GALNS: variants seen among roughly 807,000 people sequenced by gnomAD.
The protein encoded by GALNS is N-acetylgalactosamine-6-sulfatase.
A neutral mutation model predicts 65.9 loss-of-function variants in GALNS; 65 were observed. The observed-to-expected ratio is 0.99, with a 90% CI of 0.81 to 1.21. GALNS has a LOEUF of 1.21. Ranked by LOEUF, GALNS falls within the 50% of genes most tolerant of loss-of-function variation. The pLI is 0.00. For synonymous variants in GALNS, 346 were observed against 288.9 expected (o/e 1.20, Z -2.00); for missense variants, 776 against 700.7 (o/e 1.11, Z -1.21).
Position 88,856,947 on chromosome 16 carries a change from T to A in GALNS, c.-70A>T. 1 of 1,445,998 alleles carries A rather than the reference T, an allele frequency of 6.9e-7. No individual in the cohort carries two copies. Among genetic ancestry groups the A allele is most frequent in the Non-Finnish European group, 9.0e-7 (1 of 1,109,642 alleles). The allele number at this position is 1,445,998 out of a possible 1,614,324, so 89.6% of individuals were successfully genotyped here. ...GCGAGCGTCCGCCGGCCCTTCCGGC[T>A]GGGCTGCGGGGCGGGGCCTGGACGG... On this transcript the variant is annotated 5_prime_UTR_variant, in exon 1 of 14. Transcript: ENST00000268695.
intron 4 of GALNS, chr16:88,840,747 C>T (rs1597579551): frequency 3.6e-6 from 2 of 548,768 alleles, no homozygotes; most frequent in East Asian, 3.2e-5. Context: ...GGTGACAGGC[C>T]TGCGGAGTCT....
chr16:88,837,532 A>C, intron 5 of GALNS, 90 bp downstream of exon 5: 1 of 1,386,176 alleles, frequency 7.2e-7, no homozygotes, highest in East Asian at 2.3e-5. Context: ...ATGAGTGGCG[A>C]CTTGAGCCCA....
At chr16:88,830,123 CG>C (rs1911338185) in intron 9 of GALNS, among the ~76,000 whole-genome samples, 1 of 148,144 alleles carries the variant, frequency 6.8e-6, no homozygotes, top group South Asian at 2.2e-4. Flanking sequence ...CCCAGCTACT[CG>C]GGAGGCTGAG....
chr16:88,847,625 G>C (rs377642311), intron 1 of GALNS, among the ~76,000 whole-genome samples: 1 of 152,222 alleles, frequency 6.6e-6, no homozygotes, highest in African/African-American at 2.4e-5. Flanking sequence ...GCCGGAGAGA[G>C]GCTCACTTTG....
At chr16:88,815,350 C>A in intron 13 of GALNS, 16 of 985,468 alleles carry the variant, frequency 1.6e-5, no homozygotes, top group Non-Finnish European at 1.9e-5. Context: ...CAACTCATCA[C>A]CCTCTCCTGC....
intron 1 of GALNS, among the ~76,000 whole-genome samples, chr16:88,848,356 C>T (rs113879493): frequency 0.048 from 7,379 of 152,206 alleles, 244 homozygotes; most frequent in Middle Eastern, 0.15. Context: ...AAAGGCCGGG[C>T]GCGGTGGTTC....
At chr16:88,826,649 T>TG (rs1910952057) in intron 10 of GALNS, 53 bp downstream of exon 10, 1 of 1,593,738 alleles carries the variant, frequency 6.3e-7, no homozygotes, top group Non-Finnish European at 8.6e-7. Context: ...TTAGCAGCTC[T>TG]GGGCTTCACT....
intron 12 of GALNS, among the ~76,000 whole-genome samples, chr16:88,821,153 T>G (rs749373769): frequency 3.4e-5 from 5 of 148,618 alleles, no homozygotes; most frequent in Admixed American, 6.7e-5. Flanking sequence ...ACAATGAAAC[T>G]GCAGATGCCC....
intron 8 of GALNS, among the ~76,000 whole-genome samples, chr16:88,834,175 T>C (rs1002112014): frequency 5.9e-5 from 9 of 152,190 alleles, no homozygotes; most frequent in Admixed American, 1.3e-4. Flanking sequence ...AGCTATCTGG[T>C]GGGACGTGGC....
At chr16:88,817,525 A>G (rs1418612292) in intron 13 of GALNS, 1 of 985,238 alleles carries the variant, frequency 1.0e-6, no homozygotes, top group Non-Finnish European at 1.2e-6. Context: ...GCCACTCAAC[A>G]GTGCCCACCA....
At chr16:88,856,493 G>T (rs980221559) in intron 1 of GALNS, 1 of 699,170 alleles carries the variant, frequency 1.4e-6, no homozygotes, top group African/African-American at 1.8e-5. Flanking sequence ...CACAGTGGCA[G>T]CGCGTGTGGT....
chr16:88,840,680 G>A, intron 4 of GALNS: 1 of 435,324 alleles, frequency 2.3e-6, no homozygotes, highest in Non-Finnish European at 4.3e-6. Context: ...CGACGTGGCA[G>A]GAGGCAGCCG....
At position 88,835,209 on chromosome 16, in the gene GALNS, T is replaced by C. The variant is rs774518058; in HGVS notation, c.898+4A>G. On this transcript the variant is annotated splice_donor_region_variant and intron_variant, in intron 8 of 13. Transcript: ENST00000268695. ...AACCGTGAGAAGTGACAGCGAGCAC[T>C]CACCTTGTTCGGGGGCGGAAATGAG... 5.1e-6 allele frequency: 8 copies of C among 1,577,406 alleles called. No individual in the cohort carries two copies. In the Admixed American group the frequency reaches 1.3e-4, roughly 25 times the overall value.
chr16:88,829,805 C>A (rs943074021), intron 9 of GALNS, among the ~76,000 whole-genome samples: 3 of 152,246 alleles, frequency 2.0e-5, no homozygotes, highest in African/African-American at 4.8e-5. Context: ...AATCCCTGGG[C>A]CTTCAGGCGC....
rs541631540 is a variant in GALNS at position 88,831,846 on chromosome 16, T to C, written c.1002+152A>G. 736 of 564,164 alleles carry C rather than the reference T, an allele frequency of 1.3e-3. 20 individuals are homozygous for C. The African/African-American group carries it at 0.013, about 10-fold the overall frequency. The allele number at this position is 564,164 out of a possible 1,614,324, so 34.9% of individuals were successfully genotyped here. ...GAGGGTGGTGAGGCTGAGCATGGGG[T>C]GCGTGGAGGCTGAGCACAGGGTGCG... On this transcript the variant is annotated intron_variant, in intron 9 of 13. Coordinates refer to ENST00000268695, the MANE Select transcript of GALNS (RefSeq NM_000512.5).
chr16:88,841,365 C>T (rs564735667), intron 3 of GALNS, among the ~76,000 whole-genome samples: 4 of 152,300 alleles, frequency 2.6e-5, no homozygotes, highest in African/African-American at 9.6e-5. Context: ...CCTGCCCACC[C>T]TCAGGCCCCA....
At chr16:88,847,466 T>C (rs760510055) in intron 1 of GALNS, among the ~76,000 whole-genome samples, 8 of 152,016 alleles carry the variant, frequency 5.3e-5, no homozygotes, top group Non-Finnish European at 8.8e-5. Flanking sequence ...ACCCACAGAG[T>C]AGGACTGCCA....
intron 4 of GALNS, chr16:88,838,832 C>G (rs1403661188): frequency 3.9e-5 from 6 of 152,342 alleles, no homozygotes; most frequent in Admixed American, 3.9e-4. Flanking sequence ...AAGCAGCATC[C>G]CCGACGCAGA....
intron 1 of GALNS, chr16:88,855,870 A>C (rs1967816480): frequency 2.0e-6 from 1 of 503,718 alleles, no homozygotes; most frequent in Non-Finnish European, 3.6e-6. Flanking sequence ...GGGCTGAGCG[A>C]CACCGACGGC....
Sources: allele counts gnomAD v4.1 joint callset (sites outside exome capture counted in the v4.1 genomes callset), GRCh38; gene constraint gnomAD v4.1.1; transcripts MANE v1.5; gene names NCBI Gene and HGNC (gene_info 2026-07-23, HGNC 2026-07-21).